The following JAK1 variants were observed in gnomAD, a reference collection of about 807,000 sequenced individuals.
JAK1 encodes the protein tyrosine-protein kinase JAK1.
Under a neutral mutation model 136.6 loss-of-function variants are expected in JAK1, and 16 were observed. The observed-to-expected ratio is 0.12, with a 90% CI of 0.08 to 0.18. The LOEUF (loss-of-function observed/expected upper bound fraction) is 0.18, where lower values mean the gene tolerates loss of function less well. Among genes scored for constraint, JAK1 ranks in the 10% least tolerant of loss-of-function variants. JAK1 has a pLI of 1.00. For synonymous variants in JAK1, 492 were observed against 519.5 expected (o/e 0.95, Z 0.72); for missense variants, 859 against 1,450.1 (o/e 0.59, Z 6.62).
chr1:64,900,862 G>C (rs1645094026), intron 1 of JAK1, among the ~76,000 whole-genome samples: 3 of 152,158 alleles, frequency 2.0e-5, no homozygotes, highest in Non-Finnish European at 4.4e-5. Context: ...AACGTACTGA[G>C]TTACCTGCAG....
At chr1:64,837,867 G>C (rs950300720) in intron 22 of JAK1, 65 bp downstream of exon 22, 15 of 1,352,510 alleles carry the variant, frequency 1.1e-5, no homozygotes, top group Non-Finnish European at 3.1e-6. Context: ...TAGCCAGAAA[G>C]GGCCTATTAA....
intron 1 of JAK1, among the ~76,000 whole-genome samples, chr1:64,928,798 A>AAAAAAAAAAAAAAAAAAAAAAAAC (rs1557699679): frequency 8.9e-5 from 8 of 89,978 alleles, no homozygotes; most frequent in East Asian, 9.0e-4. Flanking sequence ...AAAAAAAAAC[A>AAAAAAAAAAAAAAAAAAAAAAAAC]AAAAAAAAAA....
Position 64,998,585 on chromosome 1 carries a change from A to G in JAK1, c.-78+45895T>C, listed in dbSNP as rs370085647. On this transcript the variant is annotated intron_variant, in intron 2 of 25. Coordinates refer to the JAK1 transcript ENST00000671954. ...TGGAAAAAGAGAAGAGGATGTTGAT[A>G]TGGTTTGGCTGTGTCCCCACCCAAA... Among the ~76,000 whole-genome samples the G allele has an allele frequency of 2.0e-4, 31 of 152,310 alleles. 5 individuals are homozygous for G. The highest frequency in any genetic ancestry group is 3.3e-4 in the Admixed American group (5 of 15,300).
intron 1 of JAK1, among the ~76,000 whole-genome samples, chr1:64,939,916 T>C (rs563335283): frequency 6.6e-6 from 1 of 152,360 alleles, no homozygotes; most frequent in East Asian, 1.9e-4. Flanking sequence ...TCCTGTGTTG[T>C]AATAGTGCTA....
intron 24 of JAK1, among the ~76,000 whole-genome samples, 168 bp downstream of exon 24, chr1:64,835,228 A>G (rs565637458): frequency 6.6e-6 from 1 of 152,348 alleles, no homozygotes; most frequent in East Asian, 1.9e-4. Flanking sequence ...TCTAGCCCCA[A>G]AGGCGATTTC....
At chr1:64,965,008 T>C (rs1646347101) in intron 1 of JAK1, among the ~76,000 whole-genome samples, 1 of 152,168 alleles carries the variant, frequency 6.6e-6, no homozygotes, top group South Asian at 2.1e-4. Flanking sequence ...CAACACATAA[T>C]GGGGTTTTGG....
intron 1 of JAK1, among the ~76,000 whole-genome samples, chr1:64,940,301 C>A (rs1026354143): frequency 6.7e-6 from 1 of 149,684 alleles, no homozygotes; most frequent in Non-Finnish European, 1.5e-5. Flanking sequence ...GAAGACCTAG[C>A]TTATACCAAT....
chr1:64,841,352 A>G lies in JAK1; in HGVS notation c.2555-13T>C, dbSNP rs918253593. 6.2e-7 allele frequency: 1 copy of G among 1,613,030 alleles called. No homozygotes were observed. Among genetic ancestry groups the G allele is most frequent in the Non-Finnish European group, 8.5e-7 (1 of 1,179,124 alleles). ...ACAATATCTGGATCTAACAGAAGAG[A>G]AAAGAAAACAGAGTGAAAGGCAGTC... On this transcript the variant is annotated splice_polypyrimidine_tract_variant and intron_variant, in intron 18 of 24. Transcript: ENST00000342505.
At chr1:65,013,370 T>C (rs904084818) in intron 2 of JAK1, among the ~76,000 whole-genome samples, 1 of 148,210 alleles carries the variant, frequency 6.7e-6, no homozygotes, top group African/African-American at 2.5e-5. Context: ...CACTCCAGCC[T>C]GGGCAACAGA....
rs1644829271 is a variant in JAK1 at position 64,884,927 on chromosome 1, C to A, written c.6+1332G>T. Among the ~76,000 whole-genome samples the A allele has an allele frequency of 3.3e-5, 5 of 152,290 alleles. No individual in the cohort carries two copies. In the South Asian group the frequency reaches 1.0e-3, roughly 32 times the overall value. ...TCCGTAAGAAGCACAGAGGCTTACA[C>A]ATAATGGGTGCTTGCAGAATGACCC... On this transcript the variant is annotated intron_variant, in intron 2 of 24. Coordinates refer to ENST00000342505, the MANE Select transcript of JAK1 (RefSeq NM_002227.4).
chr1:65,050,076 T>C (rs779931632), intron 1 of JAK1, among the ~76,000 whole-genome samples: 13 of 152,128 alleles, frequency 8.5e-5, no homozygotes, highest in Non-Finnish European at 1.8e-4. Context: ...AAAGTGGGGA[T>C]TTTGAACACC....
intron 1 of JAK1, among the ~76,000 whole-genome samples, chr1:64,906,323 C>T (rs886938368): frequency 6.6e-6 from 1 of 151,594 alleles, no homozygotes; most frequent in Non-Finnish European, 1.5e-5. Context: ...AAAATCCCAA[C>T]TACCTCTTCA....
At chr1:64,837,358 T>C (rs2100940173) in intron 22 of JAK1, among the ~76,000 whole-genome samples, 1 of 152,332 alleles carries the variant, frequency 6.6e-6, no homozygotes, top group Non-Finnish European at 1.5e-5. Flanking sequence ...TATGTCGTTA[T>C]GTGGTTACGT....
chr1:65,000,379 T>C (rs571261138), intron 2 of JAK1, among the ~76,000 whole-genome samples: 29 of 152,030 alleles, frequency 1.9e-4, no homozygotes, highest in Non-Finnish European at 2.2e-4. Context: ...GAGTCCTGCC[T>C]GTAATCCCAG....
At chr1:64,974,156 G>A (rs1342108017) in intron 2 of JAK1, 2 of 152,098 alleles carry the variant, frequency 1.3e-5, no homozygotes, top group Admixed American at 6.6e-5. Context: ...CACACATTTG[G>A]TATTGTCCTA....
At chr1:64,969,248 C>G (rs1378974305), upstream of JAK1, among the ~76,000 whole-genome samples, 1 of 151,782 alleles carries the variant, frequency 6.6e-6, no homozygotes, top group Admixed American at 6.6e-5. Context: ...AAGAATCACC[C>G]TAGGGCAAGG....
intron 9 of JAK1, among the ~76,000 whole-genome samples, chr1:64,858,793 A>C (rs933757169): frequency 6.6e-6 from 1 of 152,204 alleles, no homozygotes; most frequent in Non-Finnish European, 1.5e-5. Context: ...CTGCCACTGA[A>C]GGAAAATAAG....
chr1:64,869,268 C>A, intron 6 of JAK1, 43 bp downstream of exon 6: 1 of 1,585,044 alleles, frequency 6.3e-7, no homozygotes, highest in South Asian at 1.1e-5. Context: ...GTAGAAACAC[C>A]ACCATCCTCA....
At chr1:64,947,569 T>A (rs1413205038) in intron 1 of JAK1, among the ~76,000 whole-genome samples, 1 of 151,458 alleles carries the variant, frequency 6.6e-6, no homozygotes, top group African/African-American at 2.4e-5. Context: ...ATCCTTGGAG[T>A]CCATGAACCA....
Sources: gnomAD v4.1 joint callset for allele counts (sites outside exome capture counted in the v4.1 genomes callset) on GRCh38, gnomAD v4.1.1 for gene constraint, MANE v1.5 for transcripts, NCBI Gene and HGNC (gene_info 2026-07-23, HGNC 2026-07-21) for gene names.